Variants in CNTN4 observed in about 807,000 individuals in gnomAD.
CNTN4 encodes contactin-4.
CNTN4 carries 77 observed loss-of-function variants against 122.5 expected under a neutral mutation model. That is an observed-to-expected ratio of 0.63 (90% CI 0.52 to 0.76). The LOEUF (loss-of-function observed/expected upper bound fraction) is 0.76. Ranked by LOEUF, CNTN4 falls within the 30% of genes least tolerant of loss-of-function variation. The probability of loss-of-function intolerance (pLI) is 0.00; values close to 1 mark genes in which losing one functional copy is unlikely to be tolerated. For missense variants in CNTN4, 1,256 were observed against 1,259.1 expected, an observed-to-expected ratio of 1.00 and a Z score of 0.04; for synonymous variants, 512 against 447.0, an observed-to-expected ratio of 1.15 and a Z score of -1.83.
chr3:3,026,452 A>G (rs950046684), intron 15 of CNTN4, among the ~76,000 whole-genome samples, 175 bp downstream of exon 15: 1 of 152,148 alleles, frequency 6.6e-6, no homozygotes, highest in African/African-American at 2.4e-5. Context: ...ACAACTCTAT[A>G]TGGCAGGACT....
At chr3:2,541,437 T>C (rs1483771748) in intron 3 of CNTN4, among the ~76,000 whole-genome samples, 2 of 152,128 alleles carry the variant, frequency 1.3e-5, no homozygotes, top group Non-Finnish European at 2.9e-5. Context: ...AACCGTTTTT[T>C]CCATATTAAG....
intron 4 of CNTN4, among the ~76,000 whole-genome samples, chr3:2,606,527 G>C (rs1200865342): frequency 6.6e-6 from 1 of 152,214 alleles, no homozygotes; most frequent in Non-Finnish European, 1.5e-5. Flanking sequence ...TGACTGATGG[G>C]CGGATAATGG....
At chr3:2,882,042 A>G (rs1431901712) in intron 8 of CNTN4, among the ~76,000 whole-genome samples, 2 of 152,318 alleles carry the variant, frequency 1.3e-5, no homozygotes, top group East Asian at 3.9e-4. Context: ...AGCAGTGGCA[A>G]ATTGAGTCAA....
At chr3:2,523,015 C>T (rs1298984305) in intron 3 of CNTN4, among the ~76,000 whole-genome samples, 1 of 152,036 alleles carries the variant, frequency 6.6e-6, no homozygotes, top group East Asian at 1.9e-4. Context: ...TGATCTGGTA[C>T]ATCTTTGCCT....
chr3:2,425,312 A>G (rs913745200), intron 3 of CNTN4, among the ~76,000 whole-genome samples: 4 of 152,154 alleles, frequency 2.6e-5, no homozygotes, highest in Non-Finnish European at 5.9e-5. Flanking sequence ...TCCCAGCACC[A>G]TTTATTAAAT....
intron 3 of CNTN4, among the ~76,000 whole-genome samples, chr3:2,401,170 A>C (rs2046844074): frequency 6.6e-6 from 1 of 152,174 alleles, no homozygotes; most frequent in African/African-American, 2.4e-5. Context: ...GACTTTGCAG[A>C]GTATCTGAGT....
intron 11 of CNTN4, 82 bp from the exon 12 acceptor site, chr3:2,902,794 C>T: frequency 1.4e-6 from 2 of 1,451,072 alleles, no homozygotes; most frequent in Non-Finnish European, 1.9e-6. Context: ...ATTAAGCTTC[C>T]TTGATATTAC....
chr3:2,867,716 T>C (rs1360146970), intron 8 of CNTN4, among the ~76,000 whole-genome samples: 1 of 151,876 alleles, frequency 6.6e-6, no homozygotes, highest in Non-Finnish European at 1.5e-5. Context: ...GGAAGCCATC[T>C]CTGCTTGCTC....
rs1242980923 is a variant in CNTN4, at chr3:2,539,308, C to G, written c.-88-32108C>G. Among the ~76,000 whole-genome samples the G allele has an allele frequency of 2.0e-5, 3 of 151,994 alleles. No homozygotes were observed. The East Asian group carries it at 5.8e-4, about 29-fold the overall frequency. Reference sequence around the variant, plus strand: ...TTCTGATTTTCTGAATATATTGTGTCCTTTATCAGGTGAATGCTTTCGCTG... The same window carrying G: ...TTCTGATTTTCTGAATATATTGTGTGCTTTATCAGGTGAATGCTTTCGCTG... On this transcript the variant is annotated intron_variant, in intron 3 of 24. Transcript: ENST00000418658.
intron 13 of CNTN4, among the ~76,000 whole-genome samples, chr3:2,929,528 A>G (rs1337741100): frequency 6.6e-6 from 1 of 152,198 alleles, no homozygotes; most frequent in Non-Finnish European, 1.5e-5. Flanking sequence ...ACGAGAATTC[A>G]TTGGCTCATG....
intron 3 of CNTN4, among the ~76,000 whole-genome samples, chr3:2,393,585 G>C (rs902603072): frequency 6.6e-6 from 1 of 151,868 alleles, no homozygotes; most frequent in Non-Finnish European, 1.5e-5. Flanking sequence ...ATGTGTGTAC[G>C]GGCCTAACAA....
At chr3:2,190,435 T>C (rs1173990753) in intron 2 of CNTN4, among the ~76,000 whole-genome samples, 10 of 151,856 alleles carry the variant, frequency 6.6e-5, no homozygotes, top group Non-Finnish European at 2.9e-5. Flanking sequence ...ATAGATAAAA[T>C]GCTTCACAAA....
At chr3:2,861,522 G>A (rs938683953) in intron 7 of CNTN4, among the ~76,000 whole-genome samples, 4 of 152,100 alleles carry the variant, frequency 2.6e-5, no homozygotes, top group Admixed American at 2.0e-4. Context: ...CACAAACACT[G>A]TGTAAAAAAC....
chr3:2,718,856 A>G lies in CNTN4; in HGVS notation c.56-17359A>G, dbSNP rs987223217. The stretch of plus-strand genomic sequence containing the variant: ...TTTTAAAGTAAATGTAGACATATGC[A>G]CATTCATATGCAAAATGATGGGCCC... On this transcript the variant is annotated intron_variant, in intron 4 of 24. Transcript: ENST00000418658. 2.6e-5 allele frequency among the ~76,000 whole-genome samples: 4 copies of G among 152,200 alleles called. No individual in the cohort carries two copies. The South Asian group carries it at 6.2e-4, about 24-fold the overall frequency.
intron 7 of CNTN4, among the ~76,000 whole-genome samples, chr3:2,823,276 T>C (rs1357561754): frequency 1.3e-5 from 2 of 152,212 alleles, no homozygotes; most frequent in Non-Finnish European, 2.9e-5. Context: ...CCTTTTATTA[T>C]ATCAGTGGGG....
At chr3:2,155,704 C>T (rs1472310105) in intron 2 of CNTN4, among the ~76,000 whole-genome samples, 2 of 152,162 alleles carry the variant, frequency 1.3e-5, no homozygotes, top group Admixed American at 1.3e-4. Context: ...TCTCACTCTC[C>T]CCGTGCTCTC....
At chr3:2,787,117 C>CT (rs1305859741) in intron 6 of CNTN4, among the ~76,000 whole-genome samples, 6 of 152,160 alleles carry the variant, frequency 3.9e-5, no homozygotes, top group African/African-American at 1.4e-4. Context: ...TGGCTCATAC[C>CT]TGTAAACCCA....
chr3:2,968,350 G>A (rs910373757), intron 13 of CNTN4, among the ~76,000 whole-genome samples: 4 of 152,116 alleles, frequency 2.6e-5, no homozygotes, highest in African/African-American at 9.7e-5. Context: ...ATGTGGAAAG[G>A]CCAACCTAAA....
intron 2 of CNTN4, among the ~76,000 whole-genome samples, chr3:2,206,602 G>T (rs1020025235): frequency 2.0e-5 from 3 of 152,010 alleles, no homozygotes; most frequent in Non-Finnish European, 4.4e-5. Flanking sequence ...TTTGGAGTCG[G>T]TTTTGTTTTA....
Sources: allele counts gnomAD v4.1 joint callset (sites outside exome capture counted in the v4.1 genomes callset), GRCh38; gene constraint gnomAD v4.1.1; transcripts MANE v1.5; gene names NCBI Gene and HGNC (gene_info 2026-07-23, HGNC 2026-07-21).